The following KCNIP3 variants were observed in gnomAD, a reference collection of about 807,000 sequenced individuals.
KCNIP3 encodes calsenilin.
In KCNIP3, 28 loss-of-function variants were observed where a neutral mutation model predicts 35.0. The ratio of observed to expected loss-of-function variants is 0.80; its 90% CI spans 0.59 to 1.10. The LOEUF (loss-of-function observed/expected upper bound fraction) is 1.10, where lower values mean the gene tolerates loss of function less well. KCNIP3 is among the 50% of genes least tolerant of loss of function. The probability of loss-of-function intolerance (pLI) is 0.00; values close to 1 mark genes in which losing one functional copy is unlikely to be tolerated. For synonymous variants in KCNIP3, 134 were observed against 133.8 expected (o/e 1.00, Z -0.01); for missense variants, 295 against 338.4 (o/e 0.87, Z 1.01).
In KCNIP3 at chr2:95,381,601, T is replaced by C. The variant is rs1680346402; in HGVS notation, c.453T>C (p.Phe151=). 1 of 1,613,334 alleles carries C rather than the reference T, an allele frequency of 6.2e-7. No homozygotes were observed. The highest frequency in any genetic ancestry group is 8.5e-7 in the Non-Finnish European group (1 of 1,179,274). ...ACACTCTCCTTTCCCCATAGGACTT[T>C]GTGGTTGGCCTCTCCATCCTGCTGC... ...DGNGAIHFED[F]VVGLSILLRG... is the part of the protein sequence containing the mutation. Residue 151 remains phenylalanine, a synonymous_variant, in exon 6 of 9, where the codon TTT becomes TTC. Transcript: ENST00000295225.
intron 1 of KCNIP3, among the ~76,000 whole-genome samples, chr2:95,301,972 C>T (rs759309360): frequency 6.6e-6 from 1 of 152,142 alleles, no homozygotes. Flanking sequence ...ACCTCGGCTC[C>T]CCCGACAAGG....
chr2:95,367,946 G>A (rs1679955770), intron 2 of KCNIP3, among the ~76,000 whole-genome samples: 2 of 152,146 alleles, frequency 1.3e-5, no homozygotes, highest in Admixed American at 6.5e-5. Flanking sequence ...ATTTTTAGTA[G>A]AGACAGGGTT....
chr2:95,315,657 G>A (rs554242386), intron 2 of KCNIP3, among the ~76,000 whole-genome samples: 1 of 152,166 alleles, frequency 6.6e-6, no homozygotes, highest in Non-Finnish European at 1.5e-5. Context: ...CCTTCTCCAC[G>A]TCCTTCCCCT....
chr2:95,375,127 G>A lies in KCNIP3; in HGVS notation c.377-11G>A, dbSNP rs766517679. On this transcript the variant is annotated splice_polypyrimidine_tract_variant and intron_variant, in intron 4 of 8. Transcript: ENST00000295225. The stretch of plus-strand genomic sequence containing the variant: ...CCCGACACACCCCAGCCTCTTCCTT[G>A]CCCTCCCCAGATGCCACCACCTATG... 1.9e-6 allele frequency: 3 copies of A among 1,613,954 alleles called. No homozygotes were observed. In the Admixed American group the frequency reaches 5.0e-5, roughly 27 times the overall value.
intron 2 of KCNIP3, among the ~76,000 whole-genome samples, chr2:95,362,257 C>T: frequency 6.6e-6 from 1 of 152,142 alleles, no homozygotes; most frequent in East Asian, 1.9e-4. Flanking sequence ...CAGGCATGCA[C>T]CACTATGCCC....
At position 95,384,325 on chromosome 2, in the gene KCNIP3, G is replaced by A. The variant is rs1680431550; in HGVS notation, c.*276G>A. ...GGCCAGCGAGGCGAGGCTGCCTCTG[G>A]GTGAGTGGCTGACAGAGCAGGTCTG... On this transcript the variant is annotated 3_prime_UTR_variant, in exon 9 of 9. Coordinates refer to ENST00000295225, the MANE Select transcript of KCNIP3 (RefSeq NM_013434.5). The A allele has an allele frequency of 2.0e-6, 1 of 510,252 alleles. No homozygotes were observed. The highest frequency in any genetic ancestry group is 3.3e-5 in the Admixed American group (1 of 30,312). 31.6% of individuals were successfully genotyped at this position (510,252 alleles called of 1,614,324 possible). A position where few individuals can be genotyped will look rare whatever the true frequency, so the allele number is the denominator to read the frequency against.
At chr2:95,358,595 G>C (rs965779643) in intron 2 of KCNIP3, among the ~76,000 whole-genome samples, 6 of 152,162 alleles carry the variant, frequency 3.9e-5, no homozygotes, top group African/African-American at 1.4e-4. Flanking sequence ...TAATTCTATT[G>C]TACAGAAATG....
chr2:95,341,085 C>T (rs1474383960), intron 2 of KCNIP3, among the ~76,000 whole-genome samples: 4 of 152,144 alleles, frequency 2.6e-5, no homozygotes, highest in Admixed American at 6.5e-5. Context: ...AATCTCAAGT[C>T]GAACTGTAAT....
rs1176034146 is a variant in KCNIP3, at chr2:95,374,920, G to A, written c.376+3G>A. 6.2e-7 allele frequency: 1 copy of A among 1,613,842 alleles called. No homozygotes were observed. Among genetic ancestry groups the A allele is most frequent in the Non-Finnish European group, 8.5e-7 (1 of 1,179,898 alleles). On this transcript the variant is annotated splice_donor_region_variant and intron_variant, in intron 4 of 8. Transcript: ENST00000295225. The stretch of plus-strand genomic sequence containing the variant: ...CGCGCAGTTCTTCCCTCAGGGAGGT[G>A]AGTCTGAGGCAGGGCAGCCCTGCTG...
At chr2:95,365,452 G>A (rs1379058467) in intron 2 of KCNIP3, among the ~76,000 whole-genome samples, 6 of 152,092 alleles carry the variant, frequency 3.9e-5, no homozygotes, top group African/African-American at 1.4e-4. Flanking sequence ...ATGAGCCACC[G>A]CACTTGGCCC....
At chr2:95,354,072 C>T (rs1679593688) in intron 2 of KCNIP3, among the ~76,000 whole-genome samples, 1 of 152,192 alleles carries the variant, frequency 6.6e-6, no homozygotes, top group South Asian at 2.1e-4. Flanking sequence ...TTCACGTGGA[C>T]AAGTCACTTC....
rs373627482 is a variant in KCNIP3, at chr2:95,346,987, C to T, written c.182-27309C>T. On this transcript the variant is annotated intron_variant, in intron 2 of 8. Transcript: ENST00000295225. ...GCAGCGCGTGGGCGAGGGGTGCGCC[C>T]GGGCCCCAGGGCCCCAGGCAGCCCG... The T allele has an allele frequency of 1.2e-5, 19 of 1,530,330 alleles. No homozygotes were observed. The African/African-American group carries it at 1.4e-4, about 11-fold the overall frequency. 94.8% of individuals were successfully genotyped at this position (1,530,330 alleles called of 1,614,324 possible).
chr2:95,323,425 G>C (rs745787732), intron 2 of KCNIP3, among the ~76,000 whole-genome samples: 2 of 152,182 alleles, frequency 1.3e-5, no homozygotes, highest in Non-Finnish European at 2.9e-5. Flanking sequence ...GTGGCAGAGA[G>C]GGCAGTCAGT....
chr2:95,310,322 G>A (rs768785197), intron 1 of KCNIP3, 33 bp from the exon 2 acceptor site: 2 of 1,612,548 alleles, frequency 1.2e-6, no homozygotes, highest in African/African-American at 2.7e-5. Context: ...TCTGAGCAGG[G>A]GCTCAGGGCT....
chr2:95,380,608 G>C lies in KCNIP3; in HGVS notation c.448-988G>C, dbSNP rs561096773. Among the ~76,000 whole-genome samples the C allele has an allele frequency of 8.5e-5, 13 of 152,326 alleles. No individual in the cohort carries two copies. The East Asian group carries it at 2.5e-3, about 29-fold the overall frequency. ...TACCAACTGCTGTAACAAAACAGTT[G>C]AAGTTGTCACATGGAAACCATTTAA... is the stretch of plus-strand genomic sequence containing the variant. On this transcript the variant is annotated intron_variant, in intron 5 of 8. Coordinates refer to ENST00000295225, the MANE Select transcript of KCNIP3 (RefSeq NM_013434.5).
chr2:95,332,816 C>T (rs1021379374), intron 2 of KCNIP3, among the ~76,000 whole-genome samples: 1 of 152,192 alleles, frequency 6.6e-6, no homozygotes, highest in Non-Finnish European at 1.5e-5. Context: ...CCTGGGTTCT[C>T]AAGCCTTCCC....
intron 2 of KCNIP3, among the ~76,000 whole-genome samples, chr2:95,366,080 C>T (rs1679910531): frequency 6.6e-6 from 1 of 152,130 alleles, no homozygotes. Context: ...CTCCAGGGCT[C>T]AAGCAGTCCT....
intron 2 of KCNIP3, among the ~76,000 whole-genome samples, chr2:95,316,319 CTT>C (rs1678460214): frequency 6.6e-6 from 1 of 152,258 alleles, no homozygotes; most frequent in African/African-American, 2.4e-5. Context: ...GGCACCGCAC[CTT>C]CCTTTACTGG....
chr2:95,350,353 C>T (rs1030895731), intron 2 of KCNIP3, among the ~76,000 whole-genome samples: 4 of 152,202 alleles, frequency 2.6e-5, no homozygotes, highest in African/African-American at 9.7e-5. Flanking sequence ...GTTTGTCTCC[C>T]CCAGCTGCGG....
Sources: gnomAD v4.1 joint callset for allele counts (sites outside exome capture counted in the v4.1 genomes callset) on GRCh38, gnomAD v4.1.1 for gene constraint, MANE v1.5 for transcripts, NCBI Gene and HGNC (gene_info 2026-07-23, HGNC 2026-07-21) for gene names.